Variants in B3GALT1 observed in about 807,000 individuals in gnomAD.
The protein encoded by B3GALT1 is beta-1,3-galactosyltransferase 1.
Under a neutral mutation model 23.2 loss-of-function variants are expected in B3GALT1, and 10 were observed. That is an observed-to-expected ratio of 0.43 (90% CI 0.27 to 0.73). The LOEUF is 0.73. Ranked by LOEUF, B3GALT1 falls within the 30% of genes least tolerant of loss-of-function variation. The pLI is 0.21. For synonymous variants in B3GALT1, 156 were observed against 141.5 expected, an observed-to-expected ratio of 1.10 and a Z score of -0.73; for missense variants, 299 against 405.4, an observed-to-expected ratio of 0.74 and a Z score of 2.25.
chr2:167,457,235 C>T (rs953402127), intron 1 of B3GALT1, among the ~76,000 whole-genome samples: 3 of 151,960 alleles, frequency 2.0e-5, no homozygotes, highest in Non-Finnish European at 4.4e-5. Context: ...TGCAGTGGCG[C>T]GATCTCGGCT....
rs139918537 is a variant in B3GALT1 at position 167,713,275 on chromosome 2, G to C, written c.-352+66309G>C. Among the ~76,000 whole-genome samples the C allele has an allele frequency of 1.1e-3, 161 of 152,214 alleles. 4 individuals are homozygous for C. The highest frequency in any genetic ancestry group is 3.9e-3 in the South Asian group (19 of 4,822). The stretch of plus-strand genomic sequence containing the variant: ...ATTCCAAGAATAAAATATAAATAAG[G>C]CATTACGAAGGTTTTCTTGGAAGGA... On this transcript the variant is annotated intron_variant, in intron 3 of 4. Coordinates refer to ENST00000392690, the MANE Select transcript of B3GALT1 (RefSeq NM_020981.4).
chr2:167,661,232 G>C (rs923021116), intron 3 of B3GALT1, among the ~76,000 whole-genome samples: 1 of 152,038 alleles, frequency 6.6e-6, no homozygotes, highest in Admixed American at 6.6e-5. Flanking sequence ...GTGAAATCTT[G>C]TTAGTATTTT....
intron 2 of B3GALT1, among the ~76,000 whole-genome samples, chr2:167,612,914 T>C (rs1685092880): frequency 6.6e-6 from 1 of 152,014 alleles, no homozygotes; most frequent in African/African-American, 2.4e-5. Context: ...GATGAAGAGT[T>C]TGTCAAAATT....
chr2:167,646,395 A>G (rs893147701), intron 2 of B3GALT1, among the ~76,000 whole-genome samples: 34 of 152,188 alleles, frequency 2.2e-4, no homozygotes, highest in Non-Finnish European at 5.9e-5. Flanking sequence ...GAAGGGAGCG[A>G]GAGAGAACTA....
intron 2 of B3GALT1, among the ~76,000 whole-genome samples, chr2:167,550,608 C>T (rs1292425079): frequency 6.6e-6 from 1 of 152,116 alleles, no homozygotes; most frequent in African/African-American, 2.4e-5. Context: ...ATTTCCTGTA[C>T]CATATAAAAA....
At chr2:167,678,494 T>G (rs950028933) in intron 3 of B3GALT1, among the ~76,000 whole-genome samples, 8 of 152,150 alleles carry the variant, frequency 5.3e-5, no homozygotes, top group Admixed American at 5.2e-4. Flanking sequence ...TAGCACCTAC[T>G]GCCTTCTACA....
chr2:167,532,665 C>G (rs1683345894), intron 2 of B3GALT1, among the ~76,000 whole-genome samples: 1 of 151,682 alleles, frequency 6.6e-6, no homozygotes, highest in Non-Finnish European at 1.5e-5. Flanking sequence ...TATGTATAAC[C>G]TATGCATGTT....
chr2:167,390,385 C>A (rs992760489), intron 1 of B3GALT1, among the ~76,000 whole-genome samples: 1 of 152,166 alleles, frequency 6.6e-6, no homozygotes, highest in Non-Finnish European at 1.5e-5. Context: ...CCTCCCCTAA[C>A]CTCCCCATTG....
chr2:167,382,372 GT>G (rs1322828791), intron 1 of B3GALT1, among the ~76,000 whole-genome samples: 1 of 150,470 alleles, frequency 6.6e-6, no homozygotes, highest in African/African-American at 2.5e-5. Context: ...TTTTTCATTA[GT>G]TTTTTCTTTA....
intron 3 of B3GALT1, among the ~76,000 whole-genome samples, chr2:167,735,197 G>A (rs1264754610): frequency 1.3e-5 from 2 of 152,204 alleles, no homozygotes; most frequent in Admixed American, 6.5e-5. Flanking sequence ...AATAGCTTAG[G>A]TCAGCTACAG....
chr2:167,453,612 G>A (rs1305793109), intron 1 of B3GALT1, among the ~76,000 whole-genome samples: 1 of 152,168 alleles, frequency 6.6e-6, no homozygotes. Flanking sequence ...ATGTAAAAGG[G>A]AAATTATGTT....
At chr2:167,792,451 T>A (rs1688453052) in intron 3 of B3GALT1, among the ~76,000 whole-genome samples, 1 of 152,176 alleles carries the variant, frequency 6.6e-6, no homozygotes, top group Non-Finnish European at 1.5e-5. Flanking sequence ...TATAAGATAC[T>A]GAAGTGGTAC....
chr2:167,616,808 T>A (rs1553472490), intron 2 of B3GALT1, among the ~76,000 whole-genome samples: 1 of 152,108 alleles, frequency 6.6e-6, no homozygotes, highest in Non-Finnish European at 1.5e-5. Flanking sequence ...TTCTGGGTTA[T>A]TTGAAATTAG....
At chr2:167,486,591 G>T (rs1419749096) in intron 1 of B3GALT1, among the ~76,000 whole-genome samples, 1 of 151,858 alleles carries the variant, frequency 6.6e-6, no homozygotes, top group Non-Finnish European at 1.5e-5. Context: ...TGTGGCGCAC[G>T]CCTGTAGTCC....
intron 1 of B3GALT1, among the ~76,000 whole-genome samples, chr2:167,406,506 C>T (rs534180297): frequency 7.2e-5 from 11 of 152,236 alleles, no homozygotes; most frequent in South Asian, 4.1e-4. Flanking sequence ...TTCTTCCCAG[C>T]GCCAAGCACA....
At chr2:167,841,411 T>G (rs549730822) in intron 4 of B3GALT1, among the ~76,000 whole-genome samples, 26 of 152,192 alleles carry the variant, frequency 1.7e-4, no homozygotes, top group African/African-American at 5.8e-4. Flanking sequence ...AGACCGAAAA[T>G]TTGGGTTGGT....
chr2:167,389,923 AAC>A (rs1697991830), intron 1 of B3GALT1, among the ~76,000 whole-genome samples: 1 of 128,382 alleles, frequency 7.8e-6, no homozygotes, highest in East Asian at 2.5e-4. Flanking sequence ...AAAAAAAAAA[AAC>A]AAAAAAAAAA....
At chr2:167,659,812 G>A (rs529530712) in intron 3 of B3GALT1, among the ~76,000 whole-genome samples, 1 of 152,116 alleles carries the variant, frequency 6.6e-6, no homozygotes, top group Admixed American at 6.6e-5. Context: ...GCATTTCAAA[G>A]AGAGAGAATC....
chr2:167,707,078 C>T (rs1490767752), intron 3 of B3GALT1, among the ~76,000 whole-genome samples: 1 of 152,136 alleles, frequency 6.6e-6, no homozygotes, highest in African/African-American at 2.4e-5. Flanking sequence ...GTTCCCAAGC[C>T]CACAGCCCCA....
Sources: gnomAD v4.1 joint callset for allele counts (sites outside exome capture counted in the v4.1 genomes callset) on GRCh38, gnomAD v4.1.1 for gene constraint, MANE v1.5 for transcripts, NCBI Gene and HGNC (gene_info 2026-07-23, HGNC 2026-07-21) for gene names.